PAGE2B: variants seen among roughly 807,000 people sequenced by gnomAD.
PAGE2B encodes PAGE family member 2B.
Under a neutral mutation model 7.6 loss-of-function variants are expected in PAGE2B, and 5 were observed. The observed-to-expected ratio is 0.66, with a 90% CI of 0.34 to 1.38. PAGE2B has a LOEUF of 1.38. PAGE2B is among the 40% of genes most tolerant of loss of function. The pLI is 0.04. For synonymous variants in PAGE2B, 29 were observed against 26.7 expected (o/e 1.09, Z -0.27); for missense variants, 70 against 78.4 (o/e 0.89, Z 0.41).
At chrX:55,073,256 G>A (rs946388897), upstream of PAGE2B, among the ~76,000 whole-genome samples, 22 of 111,850 alleles carry the variant, frequency 2.0e-4, no homozygotes, top group Admixed American at 8.5e-4. Context: ...TGGGAGAAGC[G>A]TAGTATCTGG....
chrX:55,056,474 A>AG, the PAGE2B span, among the ~76,000 whole-genome samples: 1 of 111,309 alleles, frequency 9.0e-6, no homozygotes, highest in Non-Finnish European at 1.9e-5. Flanking sequence ...AGCCCATCTG[A>AG]GGGACAAATA....
At chrX:55,066,936 A>T in the PAGE2B span, among the ~76,000 whole-genome samples, 1,323 of 110,924 alleles carry the variant, frequency 0.012, 5 homozygotes, top group Non-Finnish European at 0.019. Context: ...TGCTCTTTTG[A>T]GACTATTTTC....
the PAGE2B span, among the ~76,000 whole-genome samples, chrX:55,035,167 C>T: frequency 9.0e-6 from 1 of 111,423 alleles, no homozygotes; most frequent in East Asian, 2.8e-4. Flanking sequence ...TACTTTGCAT[C>T]CTTCAATCCA....
the PAGE2B span, among the ~76,000 whole-genome samples, chrX:55,054,091 G>A: frequency 1.6e-4 from 18 of 110,382 alleles, no homozygotes; most frequent in East Asian, 5.7e-4. Flanking sequence ...GCACGCACCC[G>A]TAGTCCCAGC....
the PAGE2B span, among the ~76,000 whole-genome samples, chrX:55,054,118 G>A: frequency 9.1e-6 from 1 of 110,413 alleles, no homozygotes; most frequent in Non-Finnish European, 1.9e-5. Flanking sequence ...GGAGGCTGAG[G>A]CAGTTGCTTG....
chrX:55,055,935 C>G, the PAGE2B span: 2 of 110,069 alleles, frequency 1.8e-5, no homozygotes, highest in African/African-American at 6.7e-5. Flanking sequence ...AGCTTTACCT[C>G]AAGATAATTT....
the PAGE2B span, chrX:55,030,995 C>T: frequency 2.9e-6 from 1 of 341,177 alleles, no homozygotes; most frequent in Admixed American, 3.1e-5. Context: ...TGGGTTAGGA[C>T]CTGGCATTTA....
At chrX:55,064,511 T>C in the PAGE2B span, among the ~76,000 whole-genome samples, 1 of 111,721 alleles carries the variant, frequency 9.0e-6, no homozygotes, top group Non-Finnish European at 1.9e-5. Context: ...TCTGTTTCAT[T>C]GATCTTTTGT....
chrX:55,058,822 G>A, the PAGE2B span, among the ~76,000 whole-genome samples: 1 of 110,884 alleles, frequency 9.0e-6, no homozygotes, highest in Non-Finnish European at 1.9e-5. Flanking sequence ...TAAAACCGGA[G>A]AACAGTCTGG....
At chrX:55,060,395 G>A in the PAGE2B span, among the ~76,000 whole-genome samples, 2 of 111,088 alleles carry the variant, frequency 1.8e-5, no homozygotes, top group East Asian at 2.8e-4. Context: ...ACATTTTTAT[G>A]TAACTGTCAG....
At chrX:55,054,281 A>C in the PAGE2B span, among the ~76,000 whole-genome samples, 1 of 112,318 alleles carries the variant, frequency 8.9e-6, no homozygotes, top group African/African-American at 3.2e-5. Context: ...TAGCGACAAT[A>C]ATGCATACAT....
intron 1 of PAGE2B, 39 bp from the exon 2 acceptor site, chrX:55,075,995 C>T (rs766715693): frequency 6.1e-6 from 7 of 1,139,053 alleles, no homozygotes; most frequent in Middle Eastern, 2.4e-4. Flanking sequence ...TAGCTAAGTT[C>T]TTATACACTT....
At chrX:55,038,233 A>T in the PAGE2B span, among the ~76,000 whole-genome samples, 160 of 110,551 alleles carry the variant, frequency 1.4e-3, no homozygotes, top group African/African-American at 4.8e-3. Flanking sequence ...CATAATATGT[A>T]AAAAAAATTT....
chrX:55,068,778 G>T, the PAGE2B span, among the ~76,000 whole-genome samples: 1 of 111,266 alleles, frequency 9.0e-6, no homozygotes, highest in East Asian at 2.8e-4. Flanking sequence ...GGATTCCTAG[G>T]TATTTTATTC....
the PAGE2B span, among the ~76,000 whole-genome samples, chrX:55,054,677 T>C: frequency 8.9e-6 from 1 of 112,336 alleles, no homozygotes; most frequent in East Asian, 2.8e-4. Flanking sequence ...AATTTCATCT[T>C]CAGTATGCCG....
the PAGE2B span, among the ~76,000 whole-genome samples, chrX:55,041,078 CTTTTTT>C: frequency 1.2e-5 from 1 of 82,152 alleles, no homozygotes. Flanking sequence ...TTCAATAATT[CTTTTTT>C]TTTTTTTTTT....
At chrX:55,045,263 C>G in the PAGE2B span, 1 of 111,753 alleles carries the variant, frequency 8.9e-6, no homozygotes, top group Non-Finnish European at 1.9e-5. Flanking sequence ...CATAAGGCTT[C>G]AGTTCTTCTC....
chrX:55,070,108 A>G (rs1003039553), upstream of PAGE2B, among the ~76,000 whole-genome samples: 6 of 110,319 alleles, frequency 5.4e-5, no homozygotes, highest in African/African-American at 2.0e-4. Context: ...TTGCTTCTCT[A>G]GTTCTTTTAA....
the PAGE2B span, among the ~76,000 whole-genome samples, chrX:55,036,911 T>G: frequency 1.3e-4 from 14 of 110,120 alleles, no homozygotes; most frequent in South Asian, 3.9e-4. Flanking sequence ...CAAGATGGAT[T>G]AAAGACTTAC....
Sources: allele counts gnomAD v4.1 joint callset (sites outside exome capture counted in the v4.1 genomes callset), GRCh38; gene constraint gnomAD v4.1.1; transcripts MANE v1.5; gene names NCBI Gene and HGNC (gene_info 2026-07-23, HGNC 2026-07-21).